PCDHA3: variants seen among roughly 807,000 people sequenced by gnomAD.
PCDHA3 encodes the protein protocadherin alpha-3.
PCDHA3 carries 41 observed loss-of-function variants against 62.2 expected under a neutral mutation model. The observed-to-expected ratio is 0.66, with a 90% confidence interval of 0.51 to 0.86. The LOEUF is 0.86. Ranked by LOEUF, PCDHA3 falls within the 40% of genes least tolerant of loss-of-function variation. The pLI is 0.00. For synonymous variants in PCDHA3, 640 were observed against 555.4 expected (o/e 1.15, Z -2.14); for missense variants, 1,304 against 1,241.2 (o/e 1.05, Z -0.76).
At chr5:140,950,050 T>C (rs1554219269) in intron 1 of PCDHA3, among the ~76,000 whole-genome samples, 3 of 151,956 alleles carry the variant, frequency 2.0e-5, no homozygotes, top group Admixed American at 6.6e-5. Context: ...CATATAAGAC[T>C]ATTTAGCTCT....
rs1764445088 is a variant in PCDHA3, at chr5:140,809,379, C to G, written c.2394+5788C>G. The G allele has an allele frequency of 1.9e-6, 3 of 1,614,006 alleles. No individual in the cohort carries two copies. The African/African-American group carries it at 4.0e-5, about 22-fold the overall frequency. The stretch of plus-strand genomic sequence containing the variant: ...TGCTCTGCGCTGCCCACCGAGGGCG[C>G]GTGCGCTCCGGGCAAGCCCACGCTG... On this transcript the variant is annotated intron_variant, in intron 1 of 3. Transcript: ENST00000522353.
intron 1 of PCDHA3, among the ~76,000 whole-genome samples, chr5:140,922,066 C>A (rs1438475640): frequency 2.0e-5 from 3 of 151,528 alleles, no homozygotes; most frequent in Non-Finnish European, 4.4e-5. Context: ...TGTAGCAATC[C>A]CACTAAGCAA....
At chr5:140,829,839 G>C (rs2150175882) in intron 1 of PCDHA3, 1 of 1,613,930 alleles carries the variant, frequency 6.2e-7, no homozygotes, top group Non-Finnish European at 8.5e-7. Context: ...CTGGTGCCGC[G>C]GTCACTGGGT....
chr5:140,961,465 T>C (rs2095614873), intron 1 of PCDHA3, among the ~76,000 whole-genome samples: 2 of 152,218 alleles, frequency 1.3e-5, no homozygotes, highest in Admixed American at 1.3e-4. Context: ...GCTGCCTTTC[T>C]TTTTTTGTCT....
chr5:140,811,628 C>T (rs1375327929), intron 1 of PCDHA3: 2 of 152,200 alleles, frequency 1.3e-5, no homozygotes, highest in African/African-American at 2.4e-5. Flanking sequence ...GGTGTAAAAG[C>T]GTTACTATTT....
chr5:140,878,474 C>A (rs1227598146), intron 1 of PCDHA3, among the ~76,000 whole-genome samples: 1 of 152,134 alleles, frequency 6.6e-6, no homozygotes, highest in Non-Finnish European at 1.5e-5. Flanking sequence ...AATCATTTCT[C>A]AATTTAAAAA....
intron 1 of PCDHA3, among the ~76,000 whole-genome samples, chr5:140,878,873 T>A (rs1267188729): frequency 1.3e-5 from 2 of 152,248 alleles, no homozygotes; most frequent in African/African-American, 2.4e-5. Flanking sequence ...CATTTCAGCC[T>A]TTCAAGTAGC....
chr5:140,831,462 T>C (rs1322617868), intron 1 of PCDHA3, among the ~76,000 whole-genome samples: 1 of 140,760 alleles, frequency 7.1e-6, no homozygotes, highest in South Asian at 2.4e-4. Context: ...TGGGCTCAAG[T>C]GATTCTCTCA....
chr5:140,967,873 C>T lies in PCDHA3; in HGVS notation c.2395-11076C>T, dbSNP rs1554230047. On this transcript the variant is annotated intron_variant, in intron 1 of 3. Transcript: ENST00000522353. ...ATGCCCCAGAGGTGGTGCTCACGGA[C>T]CTGTATAGCCCAGTGCCTGAGAATG... 1.9e-6 allele frequency: 3 copies of T among 1,614,152 alleles called. No homozygotes were observed. In the Admixed American group the frequency reaches 5.0e-5, roughly 27 times the overall value.
chr5:140,856,831 A>G, intron 1 of PCDHA3: 1 of 1,591,946 alleles, frequency 6.3e-7, no homozygotes, highest in African/African-American at 1.3e-5. Flanking sequence ...CATTAGTAAT[A>G]CGGCTCAACG....
At chr5:140,883,974 G>A (rs782820820) in intron 1 of PCDHA3, 6 of 1,612,844 alleles carry the variant, frequency 3.7e-6, no homozygotes, top group African/African-American at 2.7e-5. Flanking sequence ...CTGACGCCCG[G>A]GGCTGGCAGC....
chr5:140,858,366 G>C, intron 1 of PCDHA3: 1 of 1,590,950 alleles, frequency 6.3e-7, no homozygotes, highest in Admixed American at 1.7e-5. Context: ...TTCAGCCCCA[G>C]CCTTCCACCA....
At position 140,802,686 on chromosome 5, in the gene PCDHA3, C is replaced by G; in HGVS notation, c.1489C>G (p.Arg497Gly). Residue 497 changes from arginine (R) to glycine (G), a missense_variant, in exon 1 of 4, where the codon CGG (arginine) becomes GGG (glycine). Transcript: ENST00000522353. ...NALVSYSLVE[R>G]RVGERALSSY... Reference sequence around the variant, plus strand: ...CCTGGTGTCCTACTCGCTGGTGGAACGGCGGGTGGGGGAGCGCGCGCTGTC... The same window carrying G: ...CCTGGTGTCCTACTCGCTGGTGGAAGGGCGGGTGGGGGAGCGCGCGCTGTC... 1.2e-6 allele frequency: 2 copies of G among 1,613,064 alleles called. No homozygotes were observed. Among genetic ancestry groups the G allele is most frequent in the Non-Finnish European group, 1.7e-6 (2 of 1,179,800 alleles).
At chr5:140,807,968 G>A (rs782254119) in intron 1 of PCDHA3, 2 of 1,613,476 alleles carry the variant, frequency 1.2e-6, no homozygotes, top group Non-Finnish European at 1.7e-6. Context: ...TGGAACATTG[G>A]TAATTAAACT....
intron 1 of PCDHA3, among the ~76,000 whole-genome samples, chr5:140,906,601 A>G (rs1337843589): frequency 6.6e-6 from 1 of 152,156 alleles, no homozygotes; most frequent in Non-Finnish European, 1.5e-5. Flanking sequence ...TCTACTACTC[A>G]TTCTGTATTC....
chr5:140,801,411 G>A lies in PCDHA3; in HGVS notation c.214G>A (p.Gly72Arg), dbSNP rs201362111. ...RLFRVASKRH[G>R]DLLEVNLQNG... ...GTTCCGGGTGGCGTCCAAAAGACAC[G>A]GGGACCTTCTGGAGGTAAATCTGCA... The change falls in exon 1 of 4, where the codon GGG (glycine) becomes AGG (arginine). Residue 72 changes from glycine (G) to arginine (R), a missense_variant. Transcript: ENST00000522353. 61 of 1,613,736 alleles carry A rather than the reference G, an allele frequency of 3.8e-5. No individual in the cohort carries two copies. The highest frequency in any genetic ancestry group is 5.1e-5 in the Non-Finnish European group (60 of 1,180,016).
Position 140,967,117 on chromosome 5 carries a change from C to T in PCDHA3, c.2395-11832C>T, listed in dbSNP as rs370329233. 7.4e-6 allele frequency: 12 copies of T among 1,612,904 alleles called. No individual in the cohort carries two copies. The East Asian group carries it at 1.6e-4, about 21-fold the overall frequency. On this transcript the variant is annotated intron_variant, in intron 1 of 3. Coordinates refer to ENST00000522353, the MANE Select transcript of PCDHA3 (RefSeq NM_018906.3). ...CGCTGTGTGAGCAGCGGCCTCGCTG[C>T]CTGCTCAGCTTGGAAGTGCTGGCGC...
intron 1 of PCDHA3, chr5:140,804,289 CTTTAG>C (rs1763373748): frequency 6.6e-6 from 1 of 152,004 alleles, no homozygotes; most frequent in South Asian, 2.1e-4. Context: ...CTTTGTTCAT[CTTTAG>C]TTTATCACTA....
intron 3 of PCDHA3, among the ~76,000 whole-genome samples, chr5:140,983,261 CT>C (rs1240749572): frequency 7.9e-5 from 12 of 152,158 alleles, no homozygotes; most frequent in Admixed American, 7.9e-4. Context: ...TGTAAAAAAC[CT>C]AATGGCTGGG....
Sources: allele counts gnomAD v4.1 joint callset (sites outside exome capture counted in the v4.1 genomes callset), GRCh38; gene constraint gnomAD v4.1.1; transcripts MANE v1.5; gene names NCBI Gene and HGNC (gene_info 2026-07-23, HGNC 2026-07-21).